Variants in TPX2 observed in about 807,000 individuals in gnomAD.
TPX2 encodes targeting protein for Xklp2.
A neutral mutation model predicts 93.6 loss-of-function variants in TPX2; 21 were observed. The observed-to-expected ratio is 0.22, with a 90% confidence interval of 0.16 to 0.32. The LOEUF is 0.32. Ranked by LOEUF, TPX2 falls within the 10% of genes least tolerant of loss-of-function variation. TPX2 has a pLI of 1.00. For synonymous variants in TPX2, 281 were observed against 298.3 expected, an observed-to-expected ratio of 0.94 and a Z score of 0.60; for missense variants, 776 against 871.1, an observed-to-expected ratio of 0.89 and a Z score of 1.37.
intron 5 of TPX2, among the ~76,000 whole-genome samples, chr20:31,767,508 G>T (rs1389588653): frequency 6.6e-6 from 1 of 152,026 alleles, no homozygotes; most frequent in Non-Finnish European, 1.5e-5. Flanking sequence ...AAAGTGCTGA[G>T]ACTATATAGG....
At chr20:31,772,690 T>G (rs2061971325) in intron 7 of TPX2, among the ~76,000 whole-genome samples, 1 of 152,224 alleles carries the variant, frequency 6.6e-6, no homozygotes, top group Non-Finnish European at 1.5e-5. Flanking sequence ...TCAGATTTTG[T>G]TTCTGTGCTG....
chr20:31,788,346 A>C (rs1163375400), intron 12 of TPX2, among the ~76,000 whole-genome samples: 1 of 138,880 alleles, frequency 7.2e-6, no homozygotes, highest in Non-Finnish European at 1.5e-5. Flanking sequence ...TGAACCCAGG[A>C]GGTGGAGGTT....
intron 8 of TPX2, among the ~76,000 whole-genome samples, chr20:31,776,682 C>T (rs984852760): frequency 2.0e-5 from 3 of 151,966 alleles, no homozygotes; most frequent in Admixed American, 6.6e-5. Context: ...TCCACCACCA[C>T]GTCTGGCTAG....
At chr20:31,773,143 ATTTTTTTTTTTTTTTTT>A (rs769516478) in intron 7 of TPX2, among the ~76,000 whole-genome samples, 2 of 102,344 alleles carry the variant, frequency 2.0e-5, no homozygotes, top group East Asian at 5.1e-4. Context: ...CACCCGGCTA[ATTTTTTTTTTTTTTTTT>A]TTTTTTTGTG....
intron 15 of TPX2, among the ~76,000 whole-genome samples, chr20:31,795,402 G>A (rs746260355): frequency 6.6e-6 from 1 of 152,272 alleles, no homozygotes; most frequent in Non-Finnish European, 1.5e-5. Flanking sequence ...CCAAAGTGCT[G>A]GGATTACAAG....
chr20:31,795,007 G>A (rs2062128380), intron 15 of TPX2, among the ~76,000 whole-genome samples: 1 of 152,048 alleles, frequency 6.6e-6, no homozygotes, highest in Non-Finnish European at 1.5e-5. Flanking sequence ...ATTTTTAGTA[G>A]GGATGGGGTT....
intron 4 of TPX2, among the ~76,000 whole-genome samples, chr20:31,763,151 T>C (rs2061900782): frequency 6.6e-6 from 1 of 152,168 alleles, no homozygotes; most frequent in Admixed American, 6.6e-5. Flanking sequence ...GGTTTGGCTA[T>C]ATGGGGTCTT....
chr20:31,763,467 A>G (rs1838872640), intron 4 of TPX2, among the ~76,000 whole-genome samples: 1 of 152,112 alleles, frequency 6.6e-6, no homozygotes, highest in Non-Finnish European at 1.5e-5. Flanking sequence ...GGCGTGAGCT[A>G]CTGCGCCTGT....
rs773763766 is a variant in TPX2 at position 31,770,343 on chromosome 20, A to G, written c.357A>G (p.Arg119=). The change falls in exon 6 of 18, where the codon AGA becomes AGG. Residue 119 remains arginine, a splice_region_variant and synonymous_variant. Transcript: ENST00000300403. The part of the protein sequence containing the change: ...ISRKTPAQPQ[R]RSLRLSAQKD... ...TATTTTGTCAATTTCTCTACCATAG[A>G]AGATCTCTTAGGCTTTCTGCTCAGA... 6.4e-7 allele frequency: 1 copy of G among 1,560,834 alleles called. No homozygotes were observed. The highest frequency in any genetic ancestry group is 1.4e-5 in the African/African-American group (1 of 72,590).
intron 1 of TPX2, among the ~76,000 whole-genome samples, chr20:31,741,866 C>T (rs929296788): frequency 2.0e-5 from 3 of 151,954 alleles, no homozygotes; most frequent in East Asian, 1.9e-4. Flanking sequence ...CCACCTGCCT[C>T]GGCCTCCCAA....
chr20:31,751,078 G>C (rs1201901930), intron 2 of TPX2, among the ~76,000 whole-genome samples: 1 of 152,108 alleles, frequency 6.6e-6, no homozygotes, highest in African/African-American at 2.4e-5. Flanking sequence ...CAGCTACTTA[G>C]GAGGGGTTGA....
chr20:31,754,186 C>T (rs547672570), intron 2 of TPX2, among the ~76,000 whole-genome samples: 28 of 152,060 alleles, frequency 1.8e-4, no homozygotes, highest in African/African-American at 6.3e-4. Flanking sequence ...TGCAGCCTCC[C>T]GGGTTGAAGT....
intron 10 of TPX2, among the ~76,000 whole-genome samples, chr20:31,781,966 C>T (rs539290728): frequency 5.9e-5 from 9 of 152,058 alleles, no homozygotes; most frequent in African/African-American, 1.2e-4. Context: ...AGTCTAGGCC[C>T]GTGCAGTGAT....
chr20:31,757,317 A>G (rs1245420602), intron 2 of TPX2, 90 bp from the exon 3 acceptor site: 14 of 617,386 alleles, frequency 2.3e-5, no homozygotes, highest in Non-Finnish European at 3.7e-5. Context: ...AGTAAATTCT[A>G]GGTGGTTTGC....
intron 7 of TPX2, among the ~76,000 whole-genome samples, chr20:31,773,182 C>T (rs1268433088): frequency 2.9e-5 from 4 of 139,928 alleles, no homozygotes; most frequent in African/African-American, 1.1e-4. Context: ...GACGGAGTCT[C>T]GCTCTGTTGC....
chr20:31,747,256 G>T (rs565621519), intron 2 of TPX2, among the ~76,000 whole-genome samples: 1 of 152,254 alleles, frequency 6.6e-6, no homozygotes, highest in African/African-American at 2.4e-5. Context: ...GAGTAGCTGG[G>T]ATTAAAGGCA....
chr20:31,740,350 TCTCA>T (rs2122927874), intron 1 of TPX2, among the ~76,000 whole-genome samples: 1 of 152,342 alleles, frequency 6.6e-6, no homozygotes, highest in Non-Finnish European at 1.5e-5. Flanking sequence ...TTTGAATTTC[TCTCA>T]CTCATCAAAT....
chr20:31,780,841 G>C (rs2062028673), intron 10 of TPX2: 1 of 306,968 alleles, frequency 3.3e-6, no homozygotes, highest in Non-Finnish European at 6.2e-6. Flanking sequence ...ATGTGGTCTT[G>C]ATGCTTTTAT....
At chr20:31,797,604 G>C in intron 16 of TPX2, 89 bp downstream of exon 16, 1 of 1,159,798 alleles carries the variant, frequency 8.6e-7, no homozygotes, top group South Asian at 1.4e-5. Flanking sequence ...GTACAATGCT[G>C]TGTCAACTAG....
Sources: gnomAD v4.1 joint callset for allele counts (sites outside exome capture counted in the v4.1 genomes callset) on GRCh38, gnomAD v4.1.1 for gene constraint, MANE v1.5 for transcripts, NCBI Gene and HGNC (gene_info 2026-07-23, HGNC 2026-07-21) for gene names.